The following TTC14 variants were observed in gnomAD, a reference collection of about 807,000 sequenced individuals.
The protein encoded by TTC14 is tetratricopeptide repeat domain 14.
A neutral mutation model predicts 79.9 loss-of-function variants in TTC14; 63 were observed. The ratio of observed to expected loss-of-function variants is 0.79; its 90% confidence interval spans 0.64 to 0.97. The LOEUF is 0.97. TTC14 is among the 50% of genes least tolerant of loss of function. TTC14 has a pLI of 0.00. For synonymous variants in TTC14, 335 were observed against 309.6 expected, an observed-to-expected ratio of 1.08 and a Z score of -0.86; for missense variants, 895 against 894.0, an observed-to-expected ratio of 1.00 and a Z score of -0.01.
Position 180,609,013 on chromosome 3 carries a change from A to G in TTC14, c.1400+203A>G, listed in dbSNP as rs573050524. On this transcript the variant is annotated intron_variant, in intron 11 of 11. Coordinates refer to ENST00000296015, the MANE Select transcript of TTC14 (RefSeq NM_133462.4). Reference sequence around the variant, plus strand: ...GAATTTAAGGCTAGAATTCTACAAAAAAAGAGTATCTTAGAATTAAAATAT... The same window carrying G: ...GAATTTAAGGCTAGAATTCTACAAAGAAAGAGTATCTTAGAATTAAAATAT... 4.6e-6 allele frequency: 5 copies of G among 1,086,174 alleles called. No individual in the cohort carries two copies. The East Asian group carries it at 1.4e-4, about 31-fold the overall frequency. The allele number at this position is 1,086,174 out of a possible 1,614,324, so 67.3% of individuals were successfully genotyped here.
chr3:180,603,084 AAAACT>A (rs776359552), intron 2 of TTC14, 35 bp from the exon 3 acceptor site: 2 of 1,610,926 alleles, frequency 1.2e-6, no homozygotes, highest in Admixed American at 3.4e-5. Flanking sequence ...AACGGAACTC[AAAACT>A]ATCGTTAGTG....
Position 180,610,771 on chromosome 3 carries a change from A to T in TTC14, c.*229A>T. The T allele has an allele frequency of 1.8e-6, 2 of 1,099,700 alleles. No individual in the cohort carries two copies. Among genetic ancestry groups the T allele is most frequent in the Non-Finnish European group, 2.2e-6 (2 of 902,726 alleles). 68.1% of individuals were successfully genotyped at this position (1,099,700 alleles called of 1,614,324 possible). On this transcript the variant is annotated 3_prime_UTR_variant, in exon 12 of 12. Coordinates refer to ENST00000296015, the MANE Select transcript of TTC14 (RefSeq NM_133462.4). ...TGTATATGTTTATGTACAGTATATT[A>T]CTCTTGACAGTTTGAATTTCTTCAC...
chr3:180,609,122 C>A, intron 11 of TTC14: 1 of 796,748 alleles, frequency 1.3e-6, no homozygotes, highest in Non-Finnish European at 1.5e-6. Flanking sequence ...GATTTATTCA[C>A]CCGGGGACAT....
In TTC14 at chr3:180,610,281, A is replaced by G. The variant is rs764046934; in HGVS notation, c.2052A>G (p.Lys684=). 1.7e-5 allele frequency: 27 copies of G among 1,613,636 alleles called. No individual in the cohort carries two copies. The African/African-American group carries it at 3.3e-4, about 20-fold the overall frequency. The change falls in exon 12 of 12, where the codon AAA becomes AAG. Residue 684 remains lysine, a synonymous_variant. Transcript: ENST00000296015. The part of the protein sequence containing the change: ...SSEYSWKSVE[K]YKKYAHSGSR... ...AATACTCTTGGAAGTCAGTTGAGAA[A>G]TACAAAAAATACGCTCACTCTGGAT...
Position 180,606,546 on chromosome 3 carries a change from C to G in TTC14, c.1115C>G (p.Pro372Arg). The change falls in exon 9 of 12, where the codon CCA (proline) becomes CGA (arginine). Residue 372 changes from proline to arginine, a missense_variant. Physicochemically the swap from Pro to Arg is moderately radical, Grantham distance 103. Transcript: ENST00000296015. ...EDFELALENC[P>R]THRNARKYLC... ...TTTGAGCTTGCATTAGAAAACTGTCCAACTCACAGAAATGCAAGAAAATAC... is the reference window on the plus strand; with the variant it reads ...TTTGAGCTTGCATTAGAAAACTGTCGAACTCACAGAAATGCAAGAAAATAC... The G allele has an allele frequency of 6.2e-7, 1 of 1,613,882 alleles. No individual in the cohort carries two copies. The highest frequency in any genetic ancestry group is 8.5e-7 in the Non-Finnish European group (1 of 1,179,884).
downstream of TTC14, chr3:180,614,226 T>G (rs1349687568): frequency 6.1e-6 from 1 of 162,748 alleles, no homozygotes; most frequent in African/African-American, 2.4e-5. Context: ...TCAAAATTGT[T>G]TATACTTGGT....
intron 11 of TTC14, 27 bp from the exon 12 acceptor site, chr3:180,609,603 A>G (rs1716875660): frequency 2.0e-6 from 3 of 1,517,584 alleles, no homozygotes; most frequent in South Asian, 1.4e-5. Flanking sequence ...TTTTGTATAT[A>G]TATGACAAAT....
In TTC14 at chr3:180,610,385, G is replaced by A; in HGVS notation, c.2156G>A (p.Gly719Glu). 1 of 1,613,746 alleles carries A rather than the reference G, an allele frequency of 6.2e-7. No homozygotes were observed. Among genetic ancestry groups the A allele is most frequent in the Non-Finnish European group, 8.5e-7 (1 of 1,179,874 alleles). The stretch of plus-strand genomic sequence containing the variant: ...GAATATGAAAGAGAGGACAATTATG[G>A]GGAGGATATCAAAACAGAGGTTCCA... ...QGEYEREDNY[G>E]EDIKTEVPEE... The change falls in exon 12 of 12, where the codon GGG becomes GAG. Residue 719 changes from glycine to glutamate, a missense_variant. Transcript: ENST00000296015.
At chr3:180,614,656 C>A (rs573895014), downstream of TTC14, 5 of 336,678 alleles carry the variant, frequency 1.5e-5, no homozygotes, top group Admixed American at 2.4e-4. Context: ...TCTAACACTA[C>A]GAACATCAGA....
chr3:180,609,586 G>A, intron 11 of TTC14, 44 bp from the exon 12 acceptor site: 1 of 1,453,352 alleles, frequency 6.9e-7, no homozygotes, highest in Non-Finnish European at 9.1e-7. Context: ...GAATAATTTA[G>A]AAACATTTTT....
In TTC14 at chr3:180,603,193, T is replaced by G. The variant is rs774014416; in HGVS notation, c.356T>G (p.Phe119Cys). 1 of 1,614,152 alleles carries G rather than the reference T, an allele frequency of 6.2e-7. No homozygotes were observed. The part of the protein sequence containing the change: ...EIPSMDRREL[F>C]FRDIERGDIV... Reference sequence around the variant, plus strand: ...CCTAGTATGGATCGGAGAGAGCTGTTTTTCCGAGATATTGAGCGTGGTGAT... The same window carrying G: ...CCTAGTATGGATCGGAGAGAGCTGTGTTTCCGAGATATTGAGCGTGGTGAT... The change falls in exon 3 of 12, where the codon TTT becomes TGT. Residue 119 changes from phenylalanine to cysteine, a missense_variant. By Grantham distance (205) the Phe-to-Cys change is radical. Coordinates refer to ENST00000296015, the MANE Select transcript of TTC14 (RefSeq NM_133462.4).
At position 180,616,683 on chromosome 3, in the gene TTC14, T is replaced by G. The variant is rs1229093848; in HGVS notation, c.1775-697T>G. 3 of 1,589,552 alleles carry G rather than the reference T, an allele frequency of 1.9e-6. No homozygotes were observed. In the South Asian group the frequency reaches 3.4e-5, roughly 18 times the overall value. ...TCTTTCAAAAGACGGATTTCCTTTG[T>G]GAGTTTTGCACACTGTTGGTAAATA... On this transcript the variant is annotated intron_variant, in intron 12 of 12. Transcript: ENST00000382584.
chr3:180,608,015 T>C (rs1716786937), intron 10 of TTC14: 4 of 1,191,360 alleles, frequency 3.4e-6, no homozygotes, highest in Admixed American at 4.3e-5. Flanking sequence ...GAAATGTCCT[T>C]ATAGGGAGCT....
chr3:180,608,070 A>C (rs1048942972), intron 10 of TTC14: 28 of 1,060,520 alleles, frequency 2.6e-5, no homozygotes, highest in Non-Finnish European at 3.2e-5. Context: ...AATTGAGCTA[A>C]TTATAAAAAC....
At chr3:180,613,304 T>C (rs1213836603), downstream of TTC14, among the ~76,000 whole-genome samples, 2 of 152,196 alleles carry the variant, frequency 1.3e-5, no homozygotes, top group South Asian at 2.1e-4. Context: ...AGCATGACTT[T>C]TGGATATGAG....
At chr3:180,608,236 C>T in intron 10 of TTC14, 1 of 990,572 alleles carries the variant, frequency 1.0e-6, no homozygotes, top group Non-Finnish European at 1.2e-6. Context: ...CCTATGTAAT[C>T]ATGCATCCAA....
At chr3:180,603,079 A>G (rs1306275682) in intron 2 of TTC14, 45 bp from the exon 3 acceptor site, 1 of 1,610,758 alleles carries the variant, frequency 6.2e-7, no homozygotes. Flanking sequence ...GGTGAAACGG[A>G]ACTCAAAACT....
chr3:180,603,043 T>C, intron 2 of TTC14, 28 bp downstream of exon 2: 1 of 1,609,978 alleles, frequency 6.2e-7, no homozygotes, highest in South Asian at 1.1e-5. Context: ...ATCTTTAAGA[T>C]TGCGGTTCGG....
At chr3:180,615,025 C>T (rs1480455234), downstream of TTC14, 1 of 1,557,616 alleles carries the variant, frequency 6.4e-7, no homozygotes, top group South Asian at 1.2e-5. Context: ...AATTTAAGCT[C>T]CAGTACTTTA....
Sources: gnomAD v4.1 joint callset for allele counts (sites outside exome capture counted in the v4.1 genomes callset) on GRCh38, gnomAD v4.1.1 for gene constraint, MANE v1.5 for transcripts, NCBI Gene and HGNC (gene_info 2026-07-23, HGNC 2026-07-21) for gene names.